The following DSTN variants were observed in gnomAD, a reference collection of about 807,000 sequenced individuals.
DSTN encodes the protein destrin, actin depolymerizing factor.
A neutral mutation model predicts 16.8 loss-of-function variants in DSTN; 10 were observed. The observed-to-expected ratio is 0.60, with a 90% CI of 0.37 to 1.01. The LOEUF (loss-of-function observed/expected upper bound fraction) is 1.01, where lower values mean the gene tolerates loss of function less well. DSTN is among the 50% of genes least tolerant of loss of function. The pLI, the probability that DSTN is intolerant of heterozygous loss-of-function variation, is 0.01. For missense variants in DSTN, 141 were observed against 196.7 expected (o/e 0.72, Z 1.69); for synonymous variants, 57 against 58.9 (o/e 0.97, Z 0.14).
chr20:17,574,884 T>TTTTTTTTTTTTTTTTTTTC, intron 1 of DSTN, among the ~76,000 whole-genome samples: 1 of 135,142 alleles, frequency 7.4e-6, no homozygotes. Context: ...TTTTTTTTTT[T>TTTTTTTTTTTTTTTTTTTC]TTTTTTTTGA....
At chr20:17,587,899 C>T (rs1568734411) in intron 1 of DSTN, among the ~76,000 whole-genome samples, 1 of 152,212 alleles carries the variant, frequency 6.6e-6, no homozygotes, top group South Asian at 2.1e-4. Flanking sequence ...CTTTATTAGC[C>T]ACACATCAAG....
intron 1 of DSTN, chr20:17,599,265 C>G (rs891452537): frequency 1.3e-5 from 2 of 152,294 alleles, no homozygotes; most frequent in Non-Finnish European, 2.9e-5. Flanking sequence ...TTAATAGCCA[C>G]TAGGCTGCAG....
chr20:17,587,565 C>T (rs993956048), intron 1 of DSTN, among the ~76,000 whole-genome samples: 1 of 152,088 alleles, frequency 6.6e-6, no homozygotes, highest in African/African-American at 2.4e-5. Context: ...CTTCCTTGCC[C>T]TCAGAAATAG....
At chr20:17,578,137 A>G (rs755396340) in intron 1 of DSTN, among the ~76,000 whole-genome samples, 10 of 152,208 alleles carry the variant, frequency 6.6e-5, no homozygotes, top group Non-Finnish European at 1.0e-4. Flanking sequence ...TGTCCAAGAA[A>G]CGATGCTGAG....
At chr20:17,586,712 C>T (rs1174800117) in intron 1 of DSTN, among the ~76,000 whole-genome samples, 3 of 152,160 alleles carry the variant, frequency 2.0e-5, no homozygotes, top group Non-Finnish European at 2.9e-5. Flanking sequence ...AAATTGGCTG[C>T]ATTGTTAACT....
chr20:17,599,903 A>G (rs1390918484), intron 1 of DSTN: 1 of 152,202 alleles, frequency 6.6e-6, no homozygotes, highest in African/African-American at 2.4e-5. Context: ...CTTGCTTTAG[A>G]AAAGCTAACA....
intron 1 of DSTN, among the ~76,000 whole-genome samples, chr20:17,587,791 A>T (rs971332977): frequency 6.6e-6 from 1 of 152,234 alleles, no homozygotes; most frequent in East Asian, 1.9e-4. Flanking sequence ...AATATGGTCA[A>T]TAAATTTGTT....
At chr20:17,592,875 T>G (rs1031968128) in intron 1 of DSTN, among the ~76,000 whole-genome samples, 1 of 152,230 alleles carries the variant, frequency 6.6e-6, no homozygotes, top group African/African-American at 2.4e-5. Context: ...ACTACCCTAG[T>G]GAAGGCCTTT....
chr20:17,573,562 ATATC>A (rs1366121521), intron 1 of DSTN, among the ~76,000 whole-genome samples: 18 of 152,088 alleles, frequency 1.2e-4, no homozygotes, highest in Non-Finnish European at 2.5e-4. Flanking sequence ...TCCATGGTGT[ATATC>A]TAGAAGCGGA....
chr20:17,591,341 GTT>G lies in DSTN; in HGVS notation c.4-9385_4-9384del, dbSNP rs11478262. ...ATAAACTATTATTTAGTATAATTGGGTTTTTTTTTTTTTGGGCAATCCTGTAT... is the reference window on the plus strand; with the variant it reads ...ATAAACTATTATTTAGTATAATTGGGTTTTTTTTTTTGGGCAATCCTGTAT... On this transcript the variant is annotated intron_variant, in intron 1 of 3. Transcript: ENST00000246069. Among the ~76,000 whole-genome samples, 602 of 144,254 alleles carry G rather than the reference GTT, an allele frequency of 4.2e-3. 2 individuals carry two copies. Among genetic ancestry groups the G allele is most frequent in the South Asian group, 0.013 (60 of 4,588 alleles). The allele number at this position is 144,254 out of a possible 152,430, so 94.6% of individuals were successfully genotyped here. A position where few individuals can be genotyped will look rare whatever the true frequency, so the allele number is the denominator to read the frequency against.
At chr20:17,573,040 T>G (rs1489557430) in intron 1 of DSTN, among the ~76,000 whole-genome samples, 1 of 152,206 alleles carries the variant, frequency 6.6e-6, no homozygotes, top group African/African-American at 2.4e-5. Flanking sequence ...CCTGATTGCC[T>G]TATTTGAAAA....
intron 1 of DSTN, among the ~76,000 whole-genome samples, chr20:17,573,432 T>C (rs1177069428): frequency 6.6e-6 from 1 of 152,196 alleles, no homozygotes; most frequent in African/African-American, 2.4e-5. Context: ...CCCCTGTTGA[T>C]AGACATTCAG....
At chr20:17,573,896 TAAAA>T (rs11476341) in intron 1 of DSTN, among the ~76,000 whole-genome samples, 16 of 137,206 alleles carry the variant, frequency 1.2e-4, no homozygotes, top group Admixed American at 3.6e-4. Context: ...AATGTAGCAG[TAAAA>T]AAAAAAAAAA....
chr20:17,574,737 A>T (rs1274153126), intron 1 of DSTN, among the ~76,000 whole-genome samples: 1 of 149,828 alleles, frequency 6.7e-6, no homozygotes, highest in Middle Eastern at 3.5e-3. Flanking sequence ...AAAAAAAAAA[A>T]AAAAAAAAAA....
At chr20:17,582,178 A>G (rs1459926369) in intron 1 of DSTN, among the ~76,000 whole-genome samples, 1 of 150,412 alleles carries the variant, frequency 6.6e-6, no homozygotes, top group Non-Finnish European at 1.5e-5. Context: ...TCCTAGGTTC[A>G]AGCGATTCTC....
chr20:17,578,943 A>G (rs78028899), intron 1 of DSTN, among the ~76,000 whole-genome samples: 3,133 of 137,516 alleles, frequency 0.023, 102 homozygotes, highest in African/African-American at 0.082. Flanking sequence ...CCTGGACAAC[A>G]AGAGCGAAAT....
chr20:17,599,844 A>G (rs2035567680), intron 1 of DSTN: 1 of 152,252 alleles, frequency 6.6e-6, no homozygotes, highest in South Asian at 2.1e-4. Flanking sequence ...GTGCTGTTCA[A>G]CCATGACTGG....
intron 1 of DSTN, among the ~76,000 whole-genome samples, chr20:17,582,152 C>T (rs1429121303): frequency 6.7e-6 from 1 of 148,414 alleles, no homozygotes; most frequent in Admixed American, 6.8e-5. Flanking sequence ...GATCTTGGCT[C>T]ACTGCAACCT....
At chr20:17,578,090 G>C (rs6131976) in intron 1 of DSTN, among the ~76,000 whole-genome samples, 6 of 152,234 alleles carry the variant, frequency 3.9e-5, no homozygotes, top group Non-Finnish European at 8.8e-5. Context: ...TGGGAAGTTG[G>C]TGTGTGTACC....
Sources: allele counts gnomAD v4.1 joint callset (sites outside exome capture counted in the v4.1 genomes callset), GRCh38; gene constraint gnomAD v4.1.1; transcripts MANE v1.5; gene names NCBI Gene and HGNC (gene_info 2026-07-23, HGNC 2026-07-21).